NAXE: variants seen among roughly 807,000 people sequenced by gnomAD.
NAXE encodes the protein NAD(P)HX epimerase.
In NAXE, 25 loss-of-function variants were observed where a neutral mutation model predicts 31.2. The observed-to-expected ratio is 0.80, with a 90% CI of 0.58 to 1.12. The LOEUF (loss-of-function observed/expected upper bound fraction) is 1.12. Among genes scored for constraint, NAXE ranks in the 50% most tolerant of loss-of-function variants. NAXE has a pLI of 0.00. For synonymous variants in NAXE, 144 were observed against 154.5 expected (o/e 0.93, Z 0.50); for missense variants, 362 against 376.1 (o/e 0.96, Z 0.31).
At chr1:156,592,954 C>T (rs1677378447) in intron 4 of NAXE, 4 of 470,826 alleles carry the variant, frequency 8.5e-6, no homozygotes, top group Non-Finnish European at 1.5e-5. Flanking sequence ...AACACATGAT[C>T]TACCCCTCAG....
Position 156,591,814 on chromosome 1 carries a change from C to G in NAXE, c.10C>G (p.Leu4Val). Residue 4 changes from leucine to valine, a missense_variant, in exon 1 of 6, where the codon CTG (leucine) becomes GTG (valine). Physicochemically the swap from Leu to Val is conservative, Grantham distance 32. Coordinates refer to ENST00000368235, the MANE Select transcript of NAXE (RefSeq NM_144772.3). ...GCGCTCTGCGAGCTGGATGTCCAGGCTGCGGGCGCTGCTGGGCCTCGGGCT... is the reference window on the plus strand; with the variant it reads ...GCGCTCTGCGAGCTGGATGTCCAGGGTGCGGGCGCTGCTGGGCCTCGGGCT... Reference protein sequence around the residue: MSRLRALLGLGLLV... With the variant: MSRVRALLGLGLLV... 3 of 1,597,858 alleles carry G rather than the reference C, an allele frequency of 1.9e-6. No homozygotes were observed. The highest frequency in any genetic ancestry group is 2.6e-6 in the Non-Finnish European group (3 of 1,176,284).
At position 156,594,042 on chromosome 1, in the gene NAXE, G is replaced by A. The variant is rs138714790; in HGVS notation, c.825G>A (p.Leu275=). 3.3e-4 allele frequency: 525 copies of A among 1,614,098 alleles called. 1 individual carries two copies. Among genetic ancestry groups the A allele is most frequent in the Admixed American group, 1.1e-3 (65 of 60,014 alleles). Residue 275 remains leucine (L), a synonymous_variant, in exon 6 of 6, where the codon CTG becomes CTA. Transcript: ENST00000368235. Reference sequence around the variant, plus strand: ...TGGAGAAGAAGTACCAGCTGAACCTGCCACCCTACCCTGACACCGAGTGTG... The same window carrying A: ...TGGAGAAGAAGTACCAGCTGAACCTACCACCCTACCCTGACACCGAGTGTG... ...PALEKKYQLN[L]PPYPDTECVY...
chr1:156,593,229 C>G (rs769563601), intron 4 of NAXE, 179 bp from the exon 5 acceptor site: 3 of 732,576 alleles, frequency 4.1e-6, no homozygotes, highest in African/African-American at 1.8e-5. Flanking sequence ...ACTGTCTGGT[C>G]TCAATTTGGC....
At chr1:156,593,281 T>C in intron 4 of NAXE, 127 bp from the exon 5 acceptor site, 1 of 1,246,536 alleles carries the variant, frequency 8.0e-7, no homozygotes. Flanking sequence ...GGCCTCAGGC[T>C]GCCCTCTGAA....
At chr1:156,592,703 C>A in intron 4 of NAXE, 33 bp downstream of exon 4, 1 of 1,547,160 alleles carries the variant, frequency 6.5e-7, no homozygotes, top group Non-Finnish European at 8.9e-7. Context: ...CTCCATCCTA[C>A]AGTAACCACT....
rs142925428 is a variant in NAXE at position 156,593,032 on chromosome 1, G to A, written c.516+362G>A. On this transcript the variant is annotated intron_variant, in intron 4 of 5. Coordinates refer to ENST00000368235, the MANE Select transcript of NAXE (RefSeq NM_144772.3). ...CATGGATTAAGGGATGGGAAATTGG[G>A]TAATTTTTTTCCTTAACCCATTTTA... 1.2e-3 allele frequency: 457 copies of A among 381,768 alleles called. 1 individual carries two copies. The highest frequency in any genetic ancestry group is 8.7e-3 in the African/African-American group (424 of 48,666). The allele number at this position is 381,768 out of a possible 1,614,324, so 23.6% of individuals were successfully genotyped here.
At chr1:156,593,116 T>C (rs1272087800) in intron 4 of NAXE, 13 of 458,468 alleles carry the variant, frequency 2.8e-5, no homozygotes, top group Non-Finnish European at 3.1e-5. Flanking sequence ...AATTGTATCA[T>C]GGCAGAGCTG....
At position 156,594,090 on chromosome 1, in the gene NAXE, G is replaced by A; in HGVS notation, c.*6G>A. On this transcript the variant is annotated 3_prime_UTR_variant, in exon 6 of 6. Transcript: ENST00000368235. Reference sequence around the variant, plus strand: ...GTGTCTATCGTCTGCAGTGAGGGAAGGTGGGTGGGTATTCTTCCCAATAAA... The same window carrying A: ...GTGTCTATCGTCTGCAGTGAGGGAAAGTGGGTGGGTATTCTTCCCAATAAA... 1 of 1,613,666 alleles carries A rather than the reference G, an allele frequency of 6.2e-7. No individual in the cohort carries two copies. Among genetic ancestry groups the A allele is most frequent in the Non-Finnish European group, 8.5e-7 (1 of 1,179,768 alleles).
In NAXE at chr1:156,592,403, T is replaced by C. The variant is rs189064540; in HGVS notation, c.330T>C (p.Thr110=). Residue 110 remains threonine (T), a synonymous_variant, in exon 3 of 6, where the codon ACT becomes ACC. Coordinates refer to ENST00000368235, the MANE Select transcript of NAXE (RefSeq NM_144772.3). The stretch of plus-strand genomic sequence containing the variant: ...CGTCCATGTCCAGGAGCCCCCCTAC[T>C]GTCCTGGTCATCTGTGGCCCGGGGA... ...PPTSMSRSPP[T]VLVICGPGNN... 27 of 1,614,148 alleles carry C rather than the reference T, an allele frequency of 1.7e-5. No individual in the cohort carries two copies. The highest frequency in any genetic ancestry group is 1.6e-4 in the Middle Eastern group (1 of 6,062).
rs1227978037 is a variant in NAXE at position 156,591,813 on chromosome 1, G to A, written c.9G>A (p.Arg3=). 6.3e-7 allele frequency: 1 copy of A among 1,597,196 alleles called. No individual in the cohort carries two copies. Among genetic ancestry groups the A allele is most frequent in the Non-Finnish European group, 8.5e-7 (1 of 1,176,030 alleles). Residue 3 remains arginine (R), a synonymous_variant, in exon 1 of 6, where the codon AGG becomes AGA. Transcript: ENST00000368235. MS[R]LRALLGLGLL... ...CGCGCTCTGCGAGCTGGATGTCCAG[G>A]CTGCGGGCGCTGCTGGGCCTCGGGC... is the stretch of plus-strand genomic sequence containing the variant.
rs1478417863 is a variant in NAXE, at chr1:156,591,788, C to T, written c.-17C>T. ...CCGGGGCCGGGCCGGGCCGGGGGCG[C>T]GCGCTCTGCGAGCTGGATGTCCAGG... On this transcript the variant is annotated 5_prime_UTR_variant, in exon 1 of 6. Coordinates refer to ENST00000368235, the MANE Select transcript of NAXE (RefSeq NM_144772.3). 23 of 1,398,160 alleles carry T rather than the reference C, an allele frequency of 1.6e-5. 1 individual carries two copies. The highest frequency in any genetic ancestry group is 2.0e-5 in the Non-Finnish European group (22 of 1,076,632). The allele number at this position is 1,398,160 out of a possible 1,614,324, so 86.6% of individuals were successfully genotyped here.
At position 156,592,552 on chromosome 1, in the gene NAXE, C is replaced by T. The variant is rs780668270; in HGVS notation, c.403-5C>T. 3 of 1,613,962 alleles carry T rather than the reference C, an allele frequency of 1.9e-6. No homozygotes were observed. Among genetic ancestry groups the T allele is most frequent in the Admixed American group, 3.3e-5 (2 of 60,018 alleles). ...TCTGGGGTTGAATTACCACTTTCTT[C>T]CTAGGGCTACGAGCCAACCATCTAT... On this transcript the variant is annotated splice_polypyrimidine_tract_variant and splice_region_variant and intron_variant, in intron 3 of 5. Coordinates refer to ENST00000368235, the MANE Select transcript of NAXE (RefSeq NM_144772.3).
chr1:156,592,324 C>A (rs374730881), intron 2 of NAXE, 41 bp from the exon 3 acceptor site: 1 of 1,606,742 alleles, frequency 6.2e-7, no homozygotes, highest in South Asian at 1.1e-5. Flanking sequence ...GGTCTATTAC[C>A]GCCTGAAACC....
chr1:156,593,426 C>CT lies in NAXE; in HGVS notation c.536dup (p.Tyr180ValfsTer2), dbSNP rs1677397982. 1 of 1,614,068 alleles carries CT rather than the reference C, an allele frequency of 6.2e-7. No homozygotes were observed. Among genetic ancestry groups the CT allele is most frequent in the Admixed American group, 1.7e-5 (1 of 60,002 alleles). ...ACCACAGCCCATGACGATTGATGAA[C>CT]TGTATGAGCTGGTGGTGGATGCCAT... On this transcript the variant is annotated frameshift_variant, in exon 5 of 6. Coordinates refer to ENST00000368235, the MANE Select transcript of NAXE (RefSeq NM_144772.3). LOFTEE classifies it high-confidence loss of function.
chr1:156,591,950 C>T lies in NAXE; in HGVS notation c.146C>T (p.Ser49Leu), dbSNP rs1166803860. The change falls in exon 1 of 6, where the codon TCA (serine) becomes TTA (leucine). Residue 49 changes from serine (S) to leucine (L), a missense_variant. Physicochemically the swap from Ser to Leu is moderately radical, Grantham distance 145 (BLOSUM62 -2). Transcript: ENST00000368235. The part of the protein sequence containing the change: ...QRLNSGGRWD[S>L]EVMASTVVKY... ...CTGAACTCGGGTGGCCGCTGGGACTCAGAGGTCATGGCGAGCACGGTGGTG... is the reference window on the plus strand; with the variant it reads ...CTGAACTCGGGTGGCCGCTGGGACTTAGAGGTCATGGCGAGCACGGTGGTG... 6.2e-7 allele frequency: 1 copy of T among 1,613,124 alleles called. No homozygotes were observed. The highest frequency in any genetic ancestry group is 2.2e-5 in the East Asian group (1 of 44,868).
At chr1:156,592,300 A>C (rs1475359935) in intron 2 of NAXE, 65 bp from the exon 3 acceptor site, 1 of 1,603,234 alleles carries the variant, frequency 6.2e-7, no homozygotes, top group Non-Finnish European at 8.5e-7. Flanking sequence ...TGGGAGAGAC[A>C]GCTGGGCCAA....
In NAXE at chr1:156,591,867, G is replaced by A; in HGVS notation, c.63G>A (p.Arg21=). ...TGGTTGCGGGCTCGCGCGTGCCGCG[G>A]ATCAAAAGCCAGACCATCGCCTGTC... ...GLLVAGSRVP[R]IKSQTIACRS... The change falls in exon 1 of 6, where the codon CGG becomes CGA. Residue 21 remains arginine (R), a synonymous_variant. Transcript: ENST00000368235. 5.0e-6 allele frequency: 8 copies of A among 1,612,022 alleles called. No individual in the cohort carries two copies. Among genetic ancestry groups the A allele is most frequent in the Non-Finnish European group, 6.8e-6 (8 of 1,179,626 alleles).
rs369152490 is a variant in NAXE at position 156,592,563 on chromosome 1, G to C, written c.409G>C (p.Glu137Gln). ...ATTACCACTTTCTTCCTAGGGCTAC[G>C]AGCCAACCATCTATTACCCCAAAAG... ...CARHLKLFGY[E>Q]PTIYYPKRPN... Residue 137 changes from glutamate to glutamine, a missense_variant, in exon 4 of 6, where the codon GAG becomes CAG. By Grantham distance (29) the Glu-to-Gln change is conservative (BLOSUM62 2). Transcript: ENST00000368235. 52 of 1,613,920 alleles carry C rather than the reference G, an allele frequency of 3.2e-5. No homozygotes were observed. The highest frequency in any genetic ancestry group is 4.4e-5 in the Non-Finnish European group (52 of 1,179,978).
At position 156,592,179 on chromosome 1, in the gene NAXE, C is replaced by G. The variant is rs11550013; in HGVS notation, c.261C>G (p.Ala87=). Residue 87 remains alanine, a synonymous_variant, in exon 2 of 6, where the codon GCC becomes GCG. Coordinates refer to ENST00000368235, the MANE Select transcript of NAXE (RefSeq NM_144772.3). ...QFSVDQLMEL[A]GLSCATAIAK... ...GCGTGGACCAACTTATGGAACTGGC[C>G]GGGCTGAGCTGTGCTACAGCCATCG... The G allele has an allele frequency of 6.2e-7, 1 of 1,614,190 alleles. No homozygotes were observed. The highest frequency in any genetic ancestry group is 1.1e-5 in the South Asian group (1 of 91,074).
Sources: allele counts gnomAD v4.1 joint callset, GRCh38; gene constraint gnomAD v4.1.1; transcripts MANE v1.5; gene names NCBI Gene and HGNC (gene_info 2026-07-23, HGNC 2026-07-21).